SRGAP3: variants seen among roughly 807,000 people sequenced by gnomAD.
The protein encoded by SRGAP3 is SLIT-ROBO Rho GTPase activating protein 3.
Under a neutral mutation model 121.1 loss-of-function variants are expected in SRGAP3, and 39 were observed. The ratio of observed to expected loss-of-function variants is 0.32; its 90% CI spans 0.25 to 0.42. SRGAP3 has a LOEUF of 0.42. Among genes scored for constraint, SRGAP3 ranks in the 10% least tolerant of loss-of-function variants. The probability of loss-of-function intolerance (pLI) is 1.00; values close to 1 mark genes in which losing one functional copy is unlikely to be tolerated. For synonymous variants in SRGAP3, 601 were observed against 570.0 expected, an observed-to-expected ratio of 1.05 and a Z score of -0.77; for missense variants, 1,213 against 1,470.6, an observed-to-expected ratio of 0.82 and a Z score of 2.86.
chr3:8,990,621 G>A lies in SRGAP3; in HGVS notation c.2777C>T (p.Pro926Leu). 1.9e-6 allele frequency: 3 copies of A among 1,613,264 alleles called. No individual in the cohort carries two copies. The highest frequency in any genetic ancestry group is 2.5e-6 in the Non-Finnish European group (3 of 1,179,796). The change falls in exon 21 of 22, where the codon CCT (proline) becomes CTT (leucine). Residue 926 changes from proline (P) to leucine (L), a missense_variant. Transcript: ENST00000383836. ...CCCTTCGGAGAGCGCCTTCTTGTCA[G>A]GGTAGTTGATGCTGCCAGCGCTCCC... ...TFGSAGSINY[P>L]DKKALSEGHS...
chr3:9,156,453 C>T (rs985107212), intron 1 of SRGAP3, among the ~76,000 whole-genome samples: 1 of 152,160 alleles, frequency 6.6e-6, no homozygotes, highest in Non-Finnish European at 1.5e-5. Context: ...CATTGCAGGT[C>T]TTGACAATGA....
intron 3 of SRGAP3, chr3:9,256,693 A>G: frequency 2.5e-6 from 1 of 395,790 alleles, no homozygotes; most frequent in Non-Finnish European, 4.5e-6. Context: ...CAGGGGAGGA[A>G]AAGTGACTTA....
chr3:9,015,483 A>G, intron 15 of SRGAP3, 114 bp downstream of exon 15: 1 of 1,389,140 alleles, frequency 7.2e-7, no homozygotes, highest in Middle Eastern at 2.5e-4. Context: ...GATGCACGTC[A>G]CACTTCGCCT....
Position 9,013,839 on chromosome 3 carries a change from A to G in SRGAP3, c.1817T>C (p.Leu606Pro), listed in dbSNP as rs1943493537. 1 of 1,614,180 alleles carries G rather than the reference A, an allele frequency of 6.2e-7. No individual in the cohort carries two copies. The stretch of plus-strand genomic sequence containing the variant: ...GTGCACCCTCTCGGCTGGGTTCTCC[A>G]GTTCTGTAACATAAAGGGGCCTTTC... The part of the protein sequence containing the change: ...RFQDLISTIK[L>P]ENPAERVHQI... Residue 606 changes from leucine (L) to proline (P), a missense_variant, in exon 16 of 22, where the codon CTG becomes CCG. Around this residue, in one of 2 missense-constraint regions of SRGAP3, gnomAD observed 793 missense variants for 1,032.9 expected, o/e 0.77. Transcript: ENST00000383836.
intron 10 of SRGAP3, among the ~76,000 whole-genome samples, chr3:9,046,462 G>A (rs1201660795): frequency 3.3e-5 from 5 of 152,232 alleles, no homozygotes; most frequent in Non-Finnish European, 5.9e-5. Flanking sequence ...TAAGGAAAGG[G>A]AGAATGACTG....
intron 1 of SRGAP3, chr3:9,349,689 T>C (rs1288215863): frequency 2.6e-5 from 4 of 153,242 alleles, no homozygotes; most frequent in African/African-American, 9.6e-5. Context: ...ATTTAGTTTA[T>C]GTGTTACATT....
intron 1 of SRGAP3, among the ~76,000 whole-genome samples, chr3:9,135,679 A>G (rs1481304640): frequency 6.6e-6 from 1 of 152,278 alleles, no homozygotes; most frequent in African/African-American, 2.4e-5. Flanking sequence ...GGTTGTTGCC[A>G]GGATCAGACT....
At chr3:9,316,057 TA>T (rs894284503) in intron 3 of SRGAP3, among the ~76,000 whole-genome samples, 48 of 152,310 alleles carry the variant, frequency 3.2e-4, no homozygotes, top group Admixed American at 8.5e-4. Flanking sequence ...TTATTGTATT[TA>T]TTTTTTTTGA....
chr3:9,044,455 G>T (rs980854396), intron 10 of SRGAP3, among the ~76,000 whole-genome samples: 3 of 152,238 alleles, frequency 2.0e-5, no homozygotes, highest in Non-Finnish European at 2.9e-5. Flanking sequence ...AAAGAAATTT[G>T]CTCAGCGTGC....
chr3:9,056,519 C>T (rs1945830850), intron 7 of SRGAP3, among the ~76,000 whole-genome samples, 185 bp from the exon 8 acceptor site: 1 of 152,188 alleles, frequency 6.6e-6, no homozygotes, highest in South Asian at 2.1e-4. Context: ...AGATGAGAAC[C>T]GGGGTCTTCC....
chr3:9,230,682 CAAAATAGCAAG>C (rs1189992183), intron 1 of SRGAP3, among the ~76,000 whole-genome samples: 1 of 151,876 alleles, frequency 6.6e-6, no homozygotes, highest in Non-Finnish European at 1.5e-5. Flanking sequence ...ATAGCCTGGG[CAAAATAGCAAG>C]ACGCTGTCTC....
intron 10 of SRGAP3, among the ~76,000 whole-genome samples, chr3:9,039,454 C>T (rs1475750798): frequency 6.6e-6 from 1 of 152,190 alleles, no homozygotes; most frequent in Non-Finnish European, 1.5e-5. Flanking sequence ...AACTCAGATG[C>T]ACTGCAATCT....
chr3:9,161,343 G>A (rs1950592603), intron 1 of SRGAP3, among the ~76,000 whole-genome samples: 1 of 152,172 alleles, frequency 6.6e-6, no homozygotes, highest in South Asian at 2.1e-4. Flanking sequence ...CTTGCTCATC[G>A]CTTTATCCCC....
chr3:9,186,094 C>T (rs910321553), intron 1 of SRGAP3, among the ~76,000 whole-genome samples: 4 of 152,192 alleles, frequency 2.6e-5, no homozygotes, highest in Non-Finnish European at 5.9e-5. Context: ...TAAATACTTG[C>T]TAAAGCCCTT....
At chr3:9,268,402 G>A (rs1414817073) in intron 3 of SRGAP3, among the ~76,000 whole-genome samples, 1 of 151,576 alleles carries the variant, frequency 6.6e-6, no homozygotes, top group Non-Finnish European at 1.5e-5. Context: ...TATAAACCAG[G>A]AAGAGACAGC....
intron 4 of SRGAP3, among the ~76,000 whole-genome samples, chr3:9,079,302 C>T (rs996018447): frequency 3.3e-5 from 5 of 152,172 alleles, no homozygotes; most frequent in African/African-American, 1.2e-4. Flanking sequence ...CCCCACTCCC[C>T]ATATCTCTCC....
intron 3 of SRGAP3, among the ~76,000 whole-genome samples, chr3:9,293,839 G>C (rs376947804): frequency 9.2e-5 from 14 of 152,242 alleles, no homozygotes; most frequent in African/African-American, 3.4e-4. Flanking sequence ...AAAAATAACA[G>C]ATGCTGGAGA....
intron 1 of SRGAP3, among the ~76,000 whole-genome samples, chr3:9,154,512 C>G (rs1219226083): frequency 6.6e-6 from 1 of 151,958 alleles, no homozygotes; most frequent in African/African-American, 2.4e-5. Context: ...CGTCTCAAGG[C>G]CCCACCCCAC....
rs3732978 is a variant in SRGAP3, at chr3:8,985,578, C to T, written c.3241G>A (p.Val1081Met). 4.5e-4 allele frequency: 706 copies of T among 1,573,954 alleles called. 2 individuals are homozygous for T. The East Asian group carries it at 0.015, about 33-fold the overall frequency. The change falls in exon 22 of 22, where the codon GTG becomes ATG. Residue 1081 changes from valine (V) to methionine (M), a missense_variant. Val to Met is a conservative substitution (Grantham distance 21). Coordinates refer to ENST00000383836, the MANE Select transcript of SRGAP3 (RefSeq NM_014850.4). The surrounding 1 kb of genome is among the most constrained non-coding windows in gnomAD (Gnocchi z 5.1). ...GGGAACATCTTCTCGGTGGGCGTCA[C>T]GGCCGGGCTGCCCACGCCCGAGCTG... ...SSSSGVGSPA[V>M]TPTEKMFPNS...
Sources: gnomAD v4.1 joint callset for allele counts (sites outside exome capture counted in the v4.1 genomes callset) on GRCh38, gnomAD v4.1.1 for gene constraint, gnomAD v4.1.1 regional missense constraint, Gnocchi (gnomAD v3.1) non-coding constraint, MANE v1.5 for transcripts, NCBI Gene and HGNC (gene_info 2026-07-23, HGNC 2026-07-21) for gene names.